KCTD16: variants seen among roughly 807,000 people sequenced by gnomAD.
KCTD16 encodes the protein BTB/POZ domain-containing protein KCTD16.
Under a neutral mutation model 33.2 loss-of-function variants are expected in KCTD16, and 13 were observed. That is an observed-to-expected ratio of 0.39 (90% CI 0.25 to 0.62). The LOEUF is 0.62. Ranked by LOEUF, KCTD16 falls within the 20% of genes least tolerant of loss-of-function variation. The pLI is 0.50. For missense variants in KCTD16, 441 were observed against 525.1 expected, an observed-to-expected ratio of 0.84 and a Z score of 1.57; for synonymous variants, 197 against 195.3, an observed-to-expected ratio of 1.01 and a Z score of -0.07.
intron 3 of KCTD16, among the ~76,000 whole-genome samples, chr5:144,299,358 A>G (rs1751353469): frequency 1.3e-5 from 2 of 151,416 alleles, no homozygotes; most frequent in South Asian, 4.2e-4. Flanking sequence ...TATCAGAATA[A>G]CAACTTACGA....
intron 3 of KCTD16, among the ~76,000 whole-genome samples, chr5:144,456,324 A>T (rs1754061895): frequency 6.6e-6 from 1 of 152,190 alleles, no homozygotes. Context: ...ATATTAATAC[A>T]TAAAGAAAAT....
chr5:144,368,996 C>T (rs1366253250), intron 3 of KCTD16, among the ~76,000 whole-genome samples: 1 of 152,140 alleles, frequency 6.6e-6, no homozygotes, highest in Non-Finnish European at 1.5e-5. Context: ...CAAATTTTGG[C>T]CAACTGAAAA....
At chr5:144,359,389 G>A (rs1751651744) in intron 3 of KCTD16, among the ~76,000 whole-genome samples, 1 of 152,106 alleles carries the variant, frequency 6.6e-6, no homozygotes, top group Non-Finnish European at 1.5e-5. Context: ...CTCTTTTGAA[G>A]AGAATGGCCA....
At chr5:144,287,761 C>T (rs1213979175) in intron 3 of KCTD16, among the ~76,000 whole-genome samples, 8 of 151,922 alleles carry the variant, frequency 5.3e-5, no homozygotes, top group Admixed American at 4.6e-4. Flanking sequence ...CTCAGCCTCC[C>T]GAGTAGCTGG....
intron 3 of KCTD16, among the ~76,000 whole-genome samples, chr5:144,366,088 C>T (rs1751826248): frequency 6.6e-6 from 1 of 152,070 alleles, no homozygotes. Flanking sequence ...ATTTTGCCTC[C>T]TTGGAATGTA....
intron 3 of KCTD16, among the ~76,000 whole-genome samples, chr5:144,304,327 C>G (rs1336023646): frequency 6.6e-6 from 1 of 152,186 alleles, no homozygotes; most frequent in East Asian, 1.9e-4. Flanking sequence ...AGCAATAAGT[C>G]ATCTTTCTGC....
At chr5:144,298,263 T>G (rs932435640) in intron 3 of KCTD16, among the ~76,000 whole-genome samples, 5 of 152,158 alleles carry the variant, frequency 3.3e-5, no homozygotes, top group African/African-American at 4.8e-5. Context: ...TGCGACCATC[T>G]TGGAAGTGGC....
chr5:144,396,452 C>T (rs780520806), intron 3 of KCTD16, among the ~76,000 whole-genome samples: 3 of 152,106 alleles, frequency 2.0e-5, no homozygotes, highest in African/African-American at 2.4e-5. Flanking sequence ...AGGACATTTG[C>T]GTTTATATAC....
Position 144,207,521 on chromosome 5 carries a change from A to G in KCTD16, c.807A>G (p.Ser269=). 1 of 1,613,542 alleles carries G rather than the reference A, an allele frequency of 6.2e-7. No homozygotes were observed. The highest frequency in any genetic ancestry group is 8.5e-7 in the Non-Finnish European group (1 of 1,179,658). ...INQYTDDKIW[S]SYTEYVFYRE... Reference sequence around the variant, plus strand: ...AATATACAGATGACAAGATCTGGTCAAGCTACACTGAATATGTCTTCTACC... The same window carrying G: ...AATATACAGATGACAAGATCTGGTCGAGCTACACTGAATATGTCTTCTACC... The change falls in exon 3 of 4, where the codon TCA becomes TCG. Residue 269 remains serine (S), a synonymous_variant. Coordinates refer to ENST00000512467, the MANE Select transcript of KCTD16 (RefSeq NM_020768.4).
intron 3 of KCTD16, among the ~76,000 whole-genome samples, chr5:144,434,451 GAT>G (rs1307882849): frequency 3.9e-5 from 6 of 152,104 alleles, no homozygotes; most frequent in Admixed American, 1.3e-4. Context: ...TAACTCATGG[GAT>G]ACAACTGCTC....
chr5:144,432,638 T>C (rs1252183693), intron 3 of KCTD16, among the ~76,000 whole-genome samples: 1 of 128,846 alleles, frequency 7.8e-6, no homozygotes, highest in Non-Finnish European at 1.6e-5. Flanking sequence ...TAACACTAAA[T>C]GTGTGTGTGT....
intron 3 of KCTD16, among the ~76,000 whole-genome samples, chr5:144,365,330 A>C (rs1419458611): frequency 6.6e-6 from 1 of 152,156 alleles, no homozygotes; most frequent in Non-Finnish European, 1.5e-5. Flanking sequence ...GTCTTACGTT[A>C]TACAATTGTG....
At chr5:144,441,610 G>A (rs967491754) in intron 3 of KCTD16, among the ~76,000 whole-genome samples, 5 of 151,894 alleles carry the variant, frequency 3.3e-5, no homozygotes, top group African/African-American at 4.8e-5. Context: ...CTTAGTAATC[G>A]TACTGAGAAT....
chr5:144,362,596 A>C (rs773095177), intron 3 of KCTD16, among the ~76,000 whole-genome samples: 2 of 152,224 alleles, frequency 1.3e-5, no homozygotes, highest in Non-Finnish European at 2.9e-5. Flanking sequence ...TGGACTGGGA[A>C]TAGTAATATA....
chr5:144,215,401 T>C (rs1056119012), intron 3 of KCTD16, among the ~76,000 whole-genome samples: 2 of 152,248 alleles, frequency 1.3e-5, no homozygotes, highest in Non-Finnish European at 2.9e-5. Context: ...CAAGGTTGCC[T>C]TCTTAATTTT....
At chr5:144,223,678 T>G (rs1434474050) in intron 3 of KCTD16, among the ~76,000 whole-genome samples, 1 of 152,104 alleles carries the variant, frequency 6.6e-6, no homozygotes, top group Non-Finnish European at 1.5e-5. Context: ...GCTGCGTACT[T>G]TATAATATCA....
Position 144,286,140 on chromosome 5 carries a change from C to A in KCTD16, c.832+78594C>A, listed in dbSNP as rs371421555. On this transcript the variant is annotated intron_variant, in intron 3 of 3. Coordinates refer to ENST00000512467, the MANE Select transcript of KCTD16 (RefSeq NM_020768.4). ...TTTTTTTCGCTTTGTTTTTAGATAG[C>A]TCTCTTTATTTCTTTATGTCCCCTG... Among the ~76,000 whole-genome samples the A allele has an allele frequency of 1.2e-4, 18 of 152,108 alleles. No individual in the cohort carries two copies. In the East Asian group the frequency reaches 3.5e-3, roughly 29 times the overall value.
At chr5:144,388,895 T>G (rs1380504128) in intron 3 of KCTD16, among the ~76,000 whole-genome samples, 1 of 152,224 alleles carries the variant, frequency 6.6e-6, no homozygotes, top group Admixed American at 6.5e-5. Context: ...TTAAAATATA[T>G]GTACATATAT....
intron 1 of KCTD16, among the ~76,000 whole-genome samples, chr5:144,171,324 C>A (rs1216449150): frequency 6.6e-6 from 1 of 151,920 alleles, no homozygotes; most frequent in Non-Finnish European, 1.5e-5. Context: ...TAGAGAAGAC[C>A]AGAAAAGAGA....
Sources: allele counts gnomAD v4.1 joint callset (sites outside exome capture counted in the v4.1 genomes callset), GRCh38; gene constraint gnomAD v4.1.1; transcripts MANE v1.5; gene names NCBI Gene and HGNC (gene_info 2026-07-23, HGNC 2026-07-21).